Variants in RUNDC3B observed in about 807,000 individuals in gnomAD.
RUNDC3B encodes the protein RUN domain-containing protein 3B.
A neutral mutation model predicts 58.4 loss-of-function variants in RUNDC3B; 33 were observed. The observed-to-expected ratio is 0.56, with a 90% CI of 0.43 to 0.75. The LOEUF is 0.75. Among genes scored for constraint, RUNDC3B ranks in the 30% least tolerant of loss-of-function variants. The probability of loss-of-function intolerance (pLI) is 0.00; values close to 1 mark genes in which losing one functional copy is unlikely to be tolerated. For synonymous variants in RUNDC3B, 193 were observed against 195.2 expected, an observed-to-expected ratio of 0.99 and a Z score of 0.10; for missense variants, 501 against 535.7, an observed-to-expected ratio of 0.94 and a Z score of 0.64.
At chr7:87,700,588 T>G in intron 3 of RUNDC3B, 34 bp downstream of exon 3, 1 of 1,584,274 alleles carries the variant, frequency 6.3e-7, no homozygotes, top group Non-Finnish European at 8.6e-7. Context: ...TTTCTATTTT[T>G]TTTTTCATTG....
chr7:87,635,961 G>A (rs1821723413), intron 1 of RUNDC3B, among the ~76,000 whole-genome samples: 1 of 152,182 alleles, frequency 6.6e-6, no homozygotes, highest in African/African-American at 2.4e-5. Context: ...TTATTCCATT[G>A]GATGAATATA....
intron 2 of RUNDC3B, among the ~76,000 whole-genome samples, chr7:87,665,559 T>C (rs1448721627): frequency 2.0e-5 from 3 of 152,238 alleles, no homozygotes; most frequent in East Asian, 3.9e-4. Context: ...TAAACTTTTA[T>C]GTTCAAGGGT....
rs1266671640 is a variant in RUNDC3B at position 87,650,957 on chromosome 7, A to G, written c.238+20A>G. On this transcript the variant is annotated intron_variant, in intron 2 of 10. Transcript: ENST00000394654. ...TAAAAGGTAAAAGCACTAATGTACT[A>G]TTTATTTTCCCACCAGCTGTCTTTA... is the stretch of plus-strand genomic sequence containing the variant. The G allele has an allele frequency of 3.6e-6, 5 of 1,375,864 alleles. No individual in the cohort carries two copies. Among genetic ancestry groups the G allele is most frequent in the African/African-American group, 1.4e-5 (1 of 69,982 alleles). The allele number at this position is 1,375,864 out of a possible 1,614,324, so 85.2% of individuals were successfully genotyped here.
intron 2 of RUNDC3B, among the ~76,000 whole-genome samples, chr7:87,660,350 G>T (rs1824562525): frequency 6.6e-6 from 1 of 151,974 alleles, no homozygotes; most frequent in Non-Finnish European, 1.5e-5. Context: ...CCTTAAAGTT[G>T]TCAATGTCTT....
At chr7:87,636,239 C>G (rs1028092518) in intron 1 of RUNDC3B, among the ~76,000 whole-genome samples, 1 of 152,110 alleles carries the variant, frequency 6.6e-6, no homozygotes, top group Non-Finnish European at 1.5e-5. Context: ...CTAACTAATG[C>G]TTGACATTTT....
intron 2 of RUNDC3B, among the ~76,000 whole-genome samples, chr7:87,666,299 G>A (rs1314165022): frequency 1.3e-5 from 2 of 152,042 alleles, no homozygotes; most frequent in Non-Finnish European, 2.9e-5. Flanking sequence ...TTTGAAAAGT[G>A]TCTGTTCATG....
intron 8 of RUNDC3B, among the ~76,000 whole-genome samples, chr7:87,795,817 G>A (rs1011615241): frequency 6.6e-6 from 1 of 152,146 alleles, no homozygotes; most frequent in Non-Finnish European, 1.5e-5. Context: ...TTGAACTTGG[G>A]AGGTAGAGGT....
At chr7:87,788,711 T>C (rs1423375197) in intron 8 of RUNDC3B, among the ~76,000 whole-genome samples, 1 of 151,480 alleles carries the variant, frequency 6.6e-6, no homozygotes, top group Admixed American at 6.6e-5. Flanking sequence ...AACTTTTTTT[T>C]TTTTTTTTTC....
chr7:87,815,425 A>G (rs1223121734), intron 9 of RUNDC3B, among the ~76,000 whole-genome samples: 2 of 152,156 alleles, frequency 1.3e-5, no homozygotes, highest in African/African-American at 2.4e-5. Flanking sequence ...AGCTGCAATT[A>G]TCTTTTGAGT....
intron 2 of RUNDC3B, among the ~76,000 whole-genome samples, chr7:87,656,363 G>A (rs996659313): frequency 8.5e-5 from 13 of 152,084 alleles, no homozygotes; most frequent in Admixed American, 5.9e-4. Context: ...AATACGGTAT[G>A]CATTAGTAGT....
At chr7:87,796,035 C>A (rs1835800335) in intron 8 of RUNDC3B, among the ~76,000 whole-genome samples, 1 of 152,054 alleles carries the variant, frequency 6.6e-6, no homozygotes, top group Non-Finnish European at 1.5e-5. Flanking sequence ...TTTACAATAG[C>A]CAAGATTTGG....
chr7:87,652,666 CTGTAACTTT>C (rs900897646), intron 2 of RUNDC3B, among the ~76,000 whole-genome samples: 2 of 133,430 alleles, frequency 1.5e-5, no homozygotes, highest in Non-Finnish European at 3.1e-5. Context: ...ATGAAATAAT[CTGTAACTTT>C]TGAGATGAGG....
chr7:87,819,840 G>A (rs911394542), intron 10 of RUNDC3B, among the ~76,000 whole-genome samples: 8 of 152,030 alleles, frequency 5.3e-5, no homozygotes, highest in Non-Finnish European at 5.9e-5. Context: ...TGAAACCAAC[G>A]AGAACAAAGA....
intron 6 of RUNDC3B, among the ~76,000 whole-genome samples, chr7:87,748,467 G>A (rs985184549): frequency 1.3e-5 from 2 of 152,184 alleles, no homozygotes; most frequent in African/African-American, 4.8e-5. Context: ...AGGCTGCTCT[G>A]TCTAGAGCTG....
intron 8 of RUNDC3B, among the ~76,000 whole-genome samples, chr7:87,790,678 G>T (rs554689674): frequency 2.6e-5 from 4 of 152,034 alleles, no homozygotes; most frequent in African/African-American, 9.6e-5. Context: ...TTCCACAGCT[G>T]AAAAATGCAA....
At chr7:87,737,054 C>G (rs986921999) in intron 4 of RUNDC3B, among the ~76,000 whole-genome samples, 2 of 150,620 alleles carry the variant, frequency 1.3e-5, no homozygotes, top group Non-Finnish European at 3.0e-5. Context: ...TGTGCCACCA[C>G]GTCTGGCTAA....
chr7:87,733,497 C>A (rs1042106787), intron 4 of RUNDC3B, among the ~76,000 whole-genome samples: 1 of 151,950 alleles, frequency 6.6e-6, no homozygotes, highest in East Asian at 1.9e-4. Flanking sequence ...CAGAGGACAC[C>A]ATAAAGAAGG....
chr7:87,724,360 T>A (rs2130780972), intron 4 of RUNDC3B, among the ~76,000 whole-genome samples: 1 of 152,288 alleles, frequency 6.6e-6, no homozygotes, highest in East Asian at 1.9e-4. Context: ...GAAAAACATT[T>A]CAGGATATTA....
chr7:87,782,080 T>A (rs1211271781), intron 8 of RUNDC3B, among the ~76,000 whole-genome samples: 1 of 152,146 alleles, frequency 6.6e-6, no homozygotes, highest in African/African-American at 2.4e-5. Context: ...GTTTGTCTGG[T>A]AGAATACAAC....
Sources: allele counts gnomAD v4.1 joint callset (sites outside exome capture counted in the v4.1 genomes callset), GRCh38; gene constraint gnomAD v4.1.1; transcripts MANE v1.5; gene names NCBI Gene and HGNC (gene_info 2026-07-23, HGNC 2026-07-21).